CSMD3: variants seen among roughly 807,000 people sequenced by gnomAD.
CSMD3 encodes the protein CUB and Sushi multiple domains 3.
In CSMD3, 177 loss-of-function variants were observed where a neutral mutation model predicts 435.2. That is an observed-to-expected ratio of 0.41 (90% confidence interval 0.36 to 0.46). The LOEUF is 0.46. Ranked by LOEUF, CSMD3 falls within the 20% of genes least tolerant of loss-of-function variation. The pLI is 0.34. For missense variants in CSMD3, 4,265 were observed against 4,504.6 expected (o/e 0.95, Z 1.52); for synonymous variants, 1,656 against 1,520.5 (o/e 1.09, Z -2.07).
At chr8:112,484,347 G>C (rs369038638) in intron 31 of CSMD3, among the ~76,000 whole-genome samples, 2 of 151,930 alleles carry the variant, frequency 1.3e-5, no homozygotes, top group African/African-American at 4.8e-5. Context: ...CATTATAATC[G>C]TTTCAGATAC....
intron 1 of CSMD3, among the ~76,000 whole-genome samples, chr8:113,350,080 T>C (rs2132904151): frequency 6.6e-6 from 1 of 152,070 alleles, no homozygotes; most frequent in East Asian, 1.9e-4. Context: ...CCATTCCCGC[T>C]ACCCTAGAAA....
chr8:112,286,896 T>C (rs1819262949), intron 58 of CSMD3, among the ~76,000 whole-genome samples, 168 bp downstream of exon 58: 1 of 152,142 alleles, frequency 6.6e-6, no homozygotes, highest in South Asian at 2.1e-4. Flanking sequence ...TTATCGGTTA[T>C]AGTTATCTTA....
chr8:113,306,845 T>G (rs965386124), intron 2 of CSMD3, among the ~76,000 whole-genome samples: 1 of 152,142 alleles, frequency 6.6e-6, no homozygotes, highest in African/African-American at 2.4e-5. Flanking sequence ...GATGGTTTAT[T>G]CACTCTAATT....
At chr8:112,916,687 T>C (rs113602854) in intron 10 of CSMD3, among the ~76,000 whole-genome samples, 5,121 of 152,008 alleles carry the variant, frequency 0.034, 146 homozygotes, top group Middle Eastern at 0.051. Flanking sequence ...TTCTGATATG[T>C]TCTTGGGCAA....
intron 3 of CSMD3, among the ~76,000 whole-genome samples, chr8:113,222,024 A>C (rs1461588174): frequency 3.2e-5 from 2 of 62,092 alleles, no homozygotes; most frequent in Non-Finnish European, 6.2e-5. Flanking sequence ...AATGCTTTGA[A>C]GGTTAAGTAA....
chr8:112,437,669 CTTTT>C (rs1284251329), intron 32 of CSMD3, among the ~76,000 whole-genome samples: 1 of 151,930 alleles, frequency 6.6e-6, no homozygotes, highest in African/African-American at 2.4e-5. Flanking sequence ...AAAATATACT[CTTTT>C]TTTCTTTTGT....
At chr8:112,969,198 G>T (rs2084545502) in intron 7 of CSMD3, among the ~76,000 whole-genome samples, 1 of 151,822 alleles carries the variant, frequency 6.6e-6, no homozygotes, top group African/African-American at 2.4e-5. Flanking sequence ...ATGATTGTTT[G>T]CTGTTTTCTT....
chr8:112,529,517 G>A (rs1050364392), intron 27 of CSMD3, among the ~76,000 whole-genome samples: 7 of 152,114 alleles, frequency 4.6e-5, no homozygotes, highest in African/African-American at 1.7e-4. Context: ...GAGCCTGGGA[G>A]GTTCAGACTG....
chr8:112,634,883 T>G (rs2074613469), intron 22 of CSMD3, among the ~76,000 whole-genome samples: 1 of 151,954 alleles, frequency 6.6e-6, no homozygotes, highest in Non-Finnish European at 1.5e-5. Flanking sequence ...GGCTTTGGAA[T>G]GAAACAGATC....
intron 38 of CSMD3, among the ~76,000 whole-genome samples, chr8:112,359,933 C>G (rs10113850): frequency 6.6e-6 from 1 of 152,044 alleles, no homozygotes; most frequent in East Asian, 1.9e-4. Flanking sequence ...TCTTCTCCAA[C>G]TAGATTTTGG....
chr8:112,806,972 A>G (rs2079103102), intron 12 of CSMD3, among the ~76,000 whole-genome samples: 1 of 152,192 alleles, frequency 6.6e-6, no homozygotes, highest in African/African-American at 2.4e-5. Context: ...ATGCTGCACA[A>G]TTGATTTACA....
intron 4 of CSMD3, among the ~76,000 whole-genome samples, chr8:113,167,380 TA>T (rs2092173281): frequency 6.6e-6 from 1 of 152,148 alleles, no homozygotes; most frequent in African/African-American, 2.4e-5. Context: ...CTGAAATAAG[TA>T]AAAATACTCA....
In CSMD3 at chr8:112,292,683, G is replaced by C. The variant is rs1244957661; in HGVS notation, c.8642C>G (p.Pro2881Arg). ...VPVSCGHPGS[P>R]IYGRTSGNGF... is the part of the protein sequence containing the mutation. ...ATTTCCACTTGTTCTTCCATAAATT[G>C]GACTACCAGGGTGACCACAGCTAAC... The change falls in exon 55 of 71, where the codon CCA (proline) becomes CGA (arginine). Residue 2881 changes from proline to arginine, a missense_variant. Around this residue, in one of 3 missense-constraint regions of CSMD3, gnomAD observed 3,255 missense variants for 3,380.2 expected, o/e 0.96. Coordinates refer to ENST00000297405, the MANE Select transcript of CSMD3 (RefSeq NM_198123.2). 2 of 1,613,722 alleles carry C rather than the reference G, an allele frequency of 1.2e-6. No individual in the cohort carries two copies. The highest frequency in any genetic ancestry group is 1.7e-6 in the Non-Finnish European group (2 of 1,179,750).
intron 3 of CSMD3, among the ~76,000 whole-genome samples, chr8:113,194,540 T>TA (rs1463428428): frequency 3.3e-5 from 5 of 151,400 alleles, no homozygotes; most frequent in Middle Eastern, 3.4e-3. Flanking sequence ...TAAGGTAATC[T>TA]ATAGGCTTTG....
chr8:113,187,647 T>A (rs972792021), intron 3 of CSMD3, among the ~76,000 whole-genome samples: 1 of 152,026 alleles, frequency 6.6e-6, no homozygotes, highest in African/African-American at 2.4e-5. Flanking sequence ...GAGTTTTGCC[T>A]TTTGTTTTTC....
intron 8 of CSMD3, among the ~76,000 whole-genome samples, chr8:112,953,763 G>T (rs139531511): frequency 5.3e-5 from 8 of 151,366 alleles, no homozygotes; most frequent in African/African-American, 1.7e-4. Context: ...TATAATAAAT[G>T]ATTTTTGTTA....
At chr8:112,465,969 C>T (rs1259779605) in intron 32 of CSMD3, among the ~76,000 whole-genome samples, 2 of 129,168 alleles carry the variant, frequency 1.5e-5, no homozygotes, top group African/African-American at 6.2e-5. Flanking sequence ...AGGGAGACAC[C>T]ATCTCAAAAA....
intron 4 of CSMD3, among the ~76,000 whole-genome samples, chr8:113,127,397 T>C (rs1377861048): frequency 6.6e-6 from 1 of 152,074 alleles, no homozygotes; most frequent in Non-Finnish European, 1.5e-5. Context: ...TCCTTGCATG[T>C]AACATTTATT....
intron 11 of CSMD3, among the ~76,000 whole-genome samples, chr8:112,853,317 C>T (rs1165013817): frequency 6.6e-6 from 1 of 152,092 alleles, no homozygotes; most frequent in African/African-American, 2.4e-5. Context: ...GCTCTGCCTC[C>T]CGGGTTCAAG....
Sources: allele counts gnomAD v4.1 joint callset (sites outside exome capture counted in the v4.1 genomes callset), GRCh38; gene constraint gnomAD v4.1.1; regional missense constraint gnomAD v4.1.1; transcripts MANE v1.5; gene names NCBI Gene and HGNC (gene_info 2026-07-23, HGNC 2026-07-21).